ATXN10: variants seen among roughly 807,000 people sequenced by gnomAD.
ATXN10 encodes the protein ataxin-10.
Under a neutral mutation model 52.9 loss-of-function variants are expected in ATXN10, and 28 were observed. That is an observed-to-expected ratio of 0.53 (90% CI 0.39 to 0.73). The LOEUF (loss-of-function observed/expected upper bound fraction) is 0.73, where lower values mean the gene tolerates loss of function less well. Ranked by LOEUF, ATXN10 falls within the 30% of genes least tolerant of loss-of-function variation. The probability of loss-of-function intolerance (pLI) is 0.00; values close to 1 mark genes in which losing one functional copy is unlikely to be tolerated. For synonymous variants in ATXN10, 226 were observed against 221.5 expected (o/e 1.02, Z -0.18); for missense variants, 565 against 577.0 (o/e 0.98, Z 0.21).
At chr22:45,782,607 A>C (rs923312721) in intron 9 of ATXN10, among the ~76,000 whole-genome samples, 6 of 152,188 alleles carry the variant, frequency 3.9e-5, no homozygotes, top group African/African-American at 7.2e-5. Flanking sequence ...ACTAACCTCT[A>C]GTAGGGGTTA....
At chr22:45,779,424 A>C (rs1024823886) in intron 9 of ATXN10, among the ~76,000 whole-genome samples, 2 of 152,172 alleles carry the variant, frequency 1.3e-5, no homozygotes, top group Non-Finnish European at 2.9e-5. Flanking sequence ...AAGACTAAAG[A>C]CGGACTGGAA....
chr22:45,689,921 T>C lies in ATXN10; in HGVS notation c.308+18T>C. 1 of 1,611,752 alleles carries C rather than the reference T, an allele frequency of 6.2e-7. No homozygotes were observed. Among genetic ancestry groups the C allele is most frequent in the Non-Finnish European group, 8.5e-7 (1 of 1,178,560 alleles). On this transcript the variant is annotated intron_variant, in intron 2 of 11. Coordinates refer to ENST00000252934, the MANE Select transcript of ATXN10 (RefSeq NM_013236.4). ...TCAATCAGGTAGTTACACACGTACC[T>C]TGGATTCTGTTTCTTTGTATATGTG...
chr22:45,741,024 G>A (rs1157777763), intron 9 of ATXN10, among the ~76,000 whole-genome samples: 1 of 152,116 alleles, frequency 6.6e-6, no homozygotes, highest in East Asian at 1.9e-4. Context: ...GTGCAGAAGA[G>A]CTTAAAGGTA....
rs1393911209 is a variant in ATXN10, at chr22:45,689,908, T to A, written c.308+5T>A. On this transcript the variant is annotated splice_donor_5th_base_variant and intron_variant, in intron 2 of 11. Coordinates refer to ENST00000252934, the MANE Select transcript of ATXN10 (RefSeq NM_013236.4). ...TGTGAACCAGAATTCAATCAGGTAG[T>A]TACACACGTACCTTGGATTCTGTTT... The A allele has an allele frequency of 1.2e-6, 2 of 1,613,422 alleles. No homozygotes were observed. Among genetic ancestry groups the A allele is most frequent in the African/African-American group, 2.7e-5 (2 of 74,920 alleles).
rs372391580 is a variant in ATXN10 at position 45,804,235 on chromosome 22, G to A, written c.1174-2724G>A. ...TTATTAGGTCAGTGACCACAGGAAG[G>A]GGACTTCTGAGCCTCACTTTTTTAT... On this transcript the variant is annotated intron_variant, in intron 9 of 11. Transcript: ENST00000252934. 3.9e-5 allele frequency among the ~76,000 whole-genome samples: 6 copies of A among 152,088 alleles called. No individual in the cohort carries two copies. The South Asian group carries it at 8.3e-4, about 21-fold the overall frequency.
chr22:45,813,668 T>C (rs1569075449), intron 10 of ATXN10, among the ~76,000 whole-genome samples: 1 of 152,162 alleles, frequency 6.6e-6, no homozygotes, highest in Non-Finnish European at 1.5e-5. Flanking sequence ...AGCATTGCAC[T>C]CTATCTCTCT....
chr22:45,843,212 G>A lies in ATXN10; in HGVS notation c.1425+34G>A. On this transcript the variant is annotated intron_variant, in intron 11 of 11. Coordinates refer to ENST00000252934, the MANE Select transcript of ATXN10 (RefSeq NM_013236.4). The surrounding 1 kb of genome is among the most constrained non-coding windows in gnomAD (Gnocchi z 4.5). ...CCTCGAGGGAACTGTCCTTCCCTTT[G>A]GTTTGTAGAAAGCTGTTTCCACTTC... The A allele has an allele frequency of 6.2e-7, 1 of 1,608,848 alleles. No individual in the cohort carries two copies. The highest frequency in any genetic ancestry group is 8.5e-7 in the Non-Finnish European group (1 of 1,175,638).
Position 45,787,226 on chromosome 22 carries a change from TCTCAGGGTTGGGGCTTG to T in ATXN10, c.1174-19732_1174-19716del, listed in dbSNP as rs1279546887. Among the ~76,000 whole-genome samples, 13 of 152,310 alleles carry T rather than the reference TCTCAGGGTTGGGGCTTG, an allele frequency of 8.5e-5. No homozygotes were observed. The East Asian group carries it at 1.7e-3, about 20-fold the overall frequency. On this transcript the variant is annotated intron_variant, in intron 9 of 11. Transcript: ENST00000252934. This position sits in a 1 kb window ranked among gnomAD's most constrained non-coding sequence, Gnocchi z 4.2. ...TTTTCATGGATAGGATCTGTCCCCA[TCTCAGGGTTGGGGCTTG>T]GCTCCTGAAAGAAGGGTCAGACCCT...
At chr22:45,737,157 G>A (rs1387379054) in intron 7 of ATXN10, among the ~76,000 whole-genome samples, 3 of 152,178 alleles carry the variant, frequency 2.0e-5, no homozygotes, top group Admixed American at 6.5e-5. Context: ...TTTTCAGTCC[G>A]TTACCGTTGT....
At chr22:45,686,213 G>A (rs567921624) in intron 1 of ATXN10, among the ~76,000 whole-genome samples, 20 of 152,114 alleles carry the variant, frequency 1.3e-4, no homozygotes, top group Non-Finnish European at 2.5e-4. Context: ...GTAAGTGCTT[G>A]GATTACATAG....
rs1927274970 is a variant in ATXN10, at chr22:45,785,000, C to T, written c.1174-21959C>T. Among the ~76,000 whole-genome samples the T allele has an allele frequency of 6.6e-6, 1 of 152,094 alleles. No homozygotes were observed. On this transcript the variant is annotated intron_variant, in intron 9 of 11. Transcript: ENST00000252934. The surrounding 1 kb of genome is among the most constrained non-coding windows in gnomAD (Gnocchi z 4.2). ...GATGCATTATGGGTGGGGATTGCAC[C>T]CCAAGTAGCAGAGGCAGAATGCATA...
At chr22:45,801,756 G>C (rs539488187) in intron 9 of ATXN10, among the ~76,000 whole-genome samples, 5 of 152,298 alleles carry the variant, frequency 3.3e-5, no homozygotes, top group Admixed American at 1.3e-4. Context: ...ACCATATCCA[G>C]CTCTTTTCAA....
chr22:45,747,591 G>A (rs75635260), intron 9 of ATXN10, among the ~76,000 whole-genome samples: 3,562 of 152,220 alleles, frequency 0.023, 119 homozygotes, highest in African/African-American at 0.07. Context: ...TTGGATCCAC[G>A]TGTGTGCTGT....
Position 45,712,600 on chromosome 22 carries a change from G to A in ATXN10, c.648-5813G>A, listed in dbSNP as rs1388774025. Among the ~76,000 whole-genome samples the A allele has an allele frequency of 6.6e-6, 1 of 152,118 alleles. No homozygotes were observed. The highest frequency in any genetic ancestry group is 2.4e-5 in the African/African-American group (1 of 41,432). On this transcript the variant is annotated intron_variant, in intron 5 of 11. Coordinates refer to ENST00000252934, the MANE Select transcript of ATXN10 (RefSeq NM_013236.4). This position sits in a 1 kb window ranked among gnomAD's most constrained non-coding sequence, Gnocchi z 4.6. ...ACACCCACTGCCTCCCTTAGAGGAC[G>A]ACATTAAAGGAAGGGTGGCTGGGAT...
chr22:45,836,646 G>C (rs1398359405), intron 10 of ATXN10, among the ~76,000 whole-genome samples: 1 of 152,172 alleles, frequency 6.6e-6, no homozygotes, highest in South Asian at 2.1e-4. Flanking sequence ...ATGGGGTGAG[G>C]AGGTTGCCTT....
chr22:45,738,697 T>C (rs1925393230), intron 7 of ATXN10, 34 bp from the exon 8 acceptor site: 1 of 1,523,410 alleles, frequency 6.6e-7, no homozygotes, highest in African/African-American at 1.4e-5. Context: ...TCTCTTAAAA[T>C]ATGCTAAAAA....
intron 6 of ATXN10, among the ~76,000 whole-genome samples, chr22:45,723,141 TTATATA>T (rs370423058): frequency 6.6e-6 from 1 of 151,132 alleles, no homozygotes; most frequent in African/African-American, 2.4e-5. Context: ...GTGTGTGTGT[TTATATA>T]TATATATGTG....
At chr22:45,753,022 C>T (rs1471447106) in intron 9 of ATXN10, among the ~76,000 whole-genome samples, 4 of 152,178 alleles carry the variant, frequency 2.6e-5, no homozygotes, top group Non-Finnish European at 5.9e-5. Flanking sequence ...GCGTAAGCTA[C>T]CGTGCCCGGC....
chr22:45,718,390 C>G lies in ATXN10; in HGVS notation c.648-23C>G. 1 of 1,590,360 alleles carries G rather than the reference C, an allele frequency of 6.3e-7. No individual in the cohort carries two copies. The highest frequency in any genetic ancestry group is 8.6e-7 in the Non-Finnish European group (1 of 1,158,436). ...TTTTACTATGTTTCAAGTAACCAAACTTTCCTCCTCTTTTTTCCCTAGGTT... is the reference window on the plus strand; with the variant it reads ...TTTTACTATGTTTCAAGTAACCAAAGTTTCCTCCTCTTTTTTCCCTAGGTT... On this transcript the variant is annotated intron_variant, in intron 5 of 11. Transcript: ENST00000252934. This position sits in a 1 kb window ranked among gnomAD's most constrained non-coding sequence, Gnocchi z 4.4.
Sources: allele counts gnomAD v4.1 joint callset (sites outside exome capture counted in the v4.1 genomes callset), GRCh38; gene constraint gnomAD v4.1.1; non-coding constraint Gnocchi (gnomAD v3.1); transcripts MANE v1.5; gene names NCBI Gene and HGNC (gene_info 2026-07-23, HGNC 2026-07-21).